The following ADAMTSL1 variants were observed in gnomAD, a reference collection of about 807,000 sequenced individuals.
The protein encoded by ADAMTSL1 is ADAMTS like 1.
A neutral mutation model predicts 201.8 loss-of-function variants in ADAMTSL1; 126 were observed. The observed-to-expected ratio is 0.62, with a 90% CI of 0.54 to 0.72. ADAMTSL1 has a LOEUF of 0.72. Among genes scored for constraint, ADAMTSL1 ranks in the 30% least tolerant of loss-of-function variants. The pLI, the probability that ADAMTSL1 is intolerant of heterozygous loss-of-function variation, is 0.00. For missense variants in ADAMTSL1, 2,679 were observed against 2,277.8 expected, an observed-to-expected ratio of 1.18 and a Z score of -3.59; for synonymous variants, 1,121 against 903.4, an observed-to-expected ratio of 1.24 and a Z score of -4.32.
intron 7 of ADAMTSL1, among the ~76,000 whole-genome samples, chr9:18,657,431 G>T (rs34867394): frequency 0.12 from 18,517 of 152,224 alleles, 1,352 homozygotes; most frequent in Non-Finnish European, 0.16. Flanking sequence ...ACAGAACTCA[G>T]AAGATAATGA....
chr9:18,010,108 T>C (rs1819990931), intron 1 of ADAMTSL1, among the ~76,000 whole-genome samples: 1 of 152,022 alleles, frequency 6.6e-6, no homozygotes, highest in Admixed American at 6.6e-5. Context: ...AGAATACCAA[T>C]CACTGTACAG....
intron 3 of ADAMTSL1, among the ~76,000 whole-genome samples, chr9:18,558,286 T>C (rs1821234348): frequency 6.6e-6 from 1 of 152,202 alleles, no homozygotes; most frequent in Non-Finnish European, 1.5e-5. Flanking sequence ...TGTGTTAGTT[T>C]GCTGAGAATG....
Position 17,909,926 on chromosome 9 carries a change from A to G in ADAMTSL1, c.87+3004A>G, listed in dbSNP as rs1244577865. ...CAGCGCACCAGCATGGCACATGTAT[A>G]CATATGTAACTAACCTGCACATTGT... On this transcript the variant is annotated intron_variant, in intron 1 of 29. Transcript: ENST00000680146. Among the ~76,000 whole-genome samples the G allele has an allele frequency of 6.0e-5, 4 of 66,616 alleles. 1 individual carries two copies. The highest frequency in any genetic ancestry group is 1.2e-4 in the African/African-American group (4 of 33,054). 43.7% of individuals were successfully genotyped at this position (66,616 alleles called of 152,430 possible).
intron 21 of ADAMTSL1, 97 bp from the exon 22 acceptor site, chr9:18,826,187 A>C: frequency 1.4e-6 from 2 of 1,425,042 alleles, no homozygotes; most frequent in Non-Finnish European, 1.9e-6. Context: ...GAGCAGCCCC[A>C]GGGAAGGGGG....
At chr9:17,971,520 C>T (rs72697404) in intron 1 of ADAMTSL1, among the ~76,000 whole-genome samples, 6,627 of 151,952 alleles carry the variant, frequency 0.044, 219 homozygotes, top group Non-Finnish European at 0.059. Flanking sequence ...ATGGTATAAA[C>T]GTTTCACAGA....
chr9:17,974,668 A>T lies in ADAMTSL1; in HGVS notation c.87+67746A>T, dbSNP rs113326953. ...ACTTAGCATAGTGTCCTCCAGATTC[A>T]TCCATGTTGTTTTAAATGGCAGGAT... On this transcript the variant is annotated intron_variant, in intron 1 of 29. Transcript: ENST00000680146. 4.0e-3 allele frequency among the ~76,000 whole-genome samples: 603 copies of T among 152,126 alleles called. 5 individuals carry two copies. Among genetic ancestry groups the T allele is most frequent in the African/African-American group, 0.013 (558 of 41,522 alleles).
chr9:18,393,788 G>A (rs1205088544), intron 2 of ADAMTSL1, among the ~76,000 whole-genome samples: 2 of 152,120 alleles, frequency 1.3e-5, no homozygotes, highest in African/African-American at 2.4e-5. Context: ...ATTCCTGGCA[G>A]CCATCCCACA....
intron 2 of ADAMTSL1, among the ~76,000 whole-genome samples, chr9:18,179,481 A>G (rs1828351126): frequency 6.6e-6 from 1 of 152,180 alleles, no homozygotes; most frequent in Non-Finnish European, 1.5e-5. Context: ...AACTTCCCCA[A>G]TCTAGCAAGG....
chr9:18,706,809 T>A lies in ADAMTSL1; in HGVS notation c.1637T>A (p.Ile546Lys). The change falls in exon 14 of 29, where the codon ATA becomes AAA. Residue 546 changes from isoleucine (I) to lysine (K), a missense_variant. Physicochemically the swap from Ile to Lys is moderately radical, Grantham distance 102. Transcript: ENST00000380548. ...VTCGVGTQVR[I>K]VRCQVLLSFS... Reference sequence around the variant, plus strand: ...TGTGGTGTGGGGACCCAGGTGCGAATAGTCAGGTGCCAGGTGCTCCTGTCT... The same window carrying A: ...TGTGGTGTGGGGACCCAGGTGCGAAAAGTCAGGTGCCAGGTGCTCCTGTCT... 4 of 1,610,212 alleles carry A rather than the reference T, an allele frequency of 2.5e-6. No homozygotes were observed. In the South Asian group the frequency reaches 3.3e-5, roughly 13 times the overall value.
intron 1 of ADAMTSL1, among the ~76,000 whole-genome samples, chr9:17,990,712 A>G (rs1819120185): frequency 6.6e-6 from 1 of 152,130 alleles, no homozygotes; most frequent in South Asian, 2.1e-4. Context: ...AGAAGTGGTC[A>G]TAACCATTGC....
intron 2 of ADAMTSL1, among the ~76,000 whole-genome samples, chr9:18,412,439 T>C (rs945432753): frequency 3.3e-5 from 5 of 152,230 alleles, no homozygotes; most frequent in Admixed American, 1.3e-4. Context: ...GATGATTCTC[T>C]CATTCTATCC....
chr9:18,907,553 T>C (rs945440), intron 28 of ADAMTSL1: 24,544 of 152,330 alleles, frequency 0.16, 2,176 homozygotes, highest in Admixed American at 0.25. Flanking sequence ...ATGAGAAAGG[T>C]GGCAAAGCTT....
intron 2 of ADAMTSL1, among the ~76,000 whole-genome samples, chr9:18,282,812 G>C (rs371057767): frequency 6.6e-6 from 1 of 152,128 alleles, no homozygotes; most frequent in South Asian, 2.1e-4. Flanking sequence ...CAGGAGAATC[G>C]CTTGAACCCG....
intron 1 of ADAMTSL1, among the ~76,000 whole-genome samples, chr9:17,994,908 C>T (rs1015883653): frequency 6.6e-6 from 1 of 152,240 alleles, no homozygotes; most frequent in South Asian, 2.1e-4. Flanking sequence ...GATGAGACCT[C>T]GCCCTTTACA....
intron 2 of ADAMTSL1, among the ~76,000 whole-genome samples, chr9:18,214,254 A>C (rs1418918341): frequency 2.0e-5 from 3 of 152,230 alleles, no homozygotes; most frequent in Admixed American, 6.5e-5. Flanking sequence ...AAATTAGATA[A>C]GCATAGTTAT....
chr9:18,036,981 A>T (rs12553148), intron 1 of ADAMTSL1, among the ~76,000 whole-genome samples: 5,204 of 152,054 alleles, frequency 0.034, 314 homozygotes, highest in East Asian at 0.31. Context: ...CCACTAACAA[A>T]CTCAAAACTC....
intron 2 of ADAMTSL1, among the ~76,000 whole-genome samples, chr9:18,254,530 C>T (rs1023673589): frequency 2.6e-5 from 4 of 151,464 alleles, no homozygotes; most frequent in East Asian, 2.0e-4. Context: ...GCCCGGCTAA[C>T]TTTTTTGTAT....
chr9:18,573,737 C>A (rs1822500272), intron 3 of ADAMTSL1, among the ~76,000 whole-genome samples: 1 of 152,116 alleles, frequency 6.6e-6, no homozygotes. Flanking sequence ...AACCAATAGA[C>A]AACTTTCAAA....
In ADAMTSL1 at chr9:18,826,054, A is replaced by AGATGT. The variant is rs1014694961; in HGVS notation, c.3935-229_3935-225dup. 8.2e-6 allele frequency: 5 copies of AGATGT among 609,024 alleles called. No homozygotes were observed. The African/African-American group carries it at 9.3e-5, about 11-fold the overall frequency. 37.7% of individuals were successfully genotyped at this position (609,024 alleles called of 1,614,324 possible). A position where few individuals can be genotyped will look rare whatever the true frequency, so the allele number is the denominator to read the frequency against. ...AAGGCAAAAGATCTGGAGACAACTGAGATGTTTATCTTGTATCAACATTTA... is the reference window on the plus strand; with the variant it reads ...AAGGCAAAAGATCTGGAGACAACTGAGATGTGATGTTTATCTTGTATCAACATTTA... On this transcript the variant is annotated intron_variant, in intron 21 of 28. Transcript: ENST00000380548.
Sources: gnomAD v4.1 joint callset for allele counts (sites outside exome capture counted in the v4.1 genomes callset) on GRCh38, gnomAD v4.1.1 for gene constraint, MANE v1.5 for transcripts, NCBI Gene and HGNC (gene_info 2026-07-23, HGNC 2026-07-21) for gene names.